ATRNL1: variants seen among roughly 807,000 people sequenced by gnomAD.
ATRNL1 encodes attractin-like protein 1.
In ATRNL1, 95 loss-of-function variants were observed where a neutral mutation model predicts 182.7. That is an observed-to-expected ratio of 0.52 (90% CI 0.44 to 0.62). ATRNL1 has a LOEUF of 0.62. Ranked by LOEUF, ATRNL1 falls within the 20% of genes least tolerant of loss-of-function variation. The pLI, the probability that ATRNL1 is intolerant of heterozygous loss-of-function variation, is 0.00. For synonymous variants in ATRNL1, 576 were observed against 568.3 expected (o/e 1.01, Z -0.19); for missense variants, 1,471 against 1,679.5 (o/e 0.88, Z 2.17).
chr10:115,500,015 A>G (rs1849741114), intron 24 of ATRNL1, among the ~76,000 whole-genome samples: 1 of 152,120 alleles, frequency 6.6e-6, no homozygotes, highest in Non-Finnish European at 1.5e-5. Context: ...AGTTATTAGG[A>G]AAGCTCATTT....
intron 26 of ATRNL1, among the ~76,000 whole-genome samples, chr10:115,663,334 T>A (rs1454278417): frequency 6.6e-6 from 1 of 152,070 alleles, no homozygotes; most frequent in Non-Finnish European, 1.5e-5. Context: ...ATATTATAAT[T>A]TCAGCCATTT....
At chr10:115,407,985 CTTTTTTTTTTTT>C (rs71010022) in intron 20 of ATRNL1, among the ~76,000 whole-genome samples, 6 of 97,806 alleles carry the variant, frequency 6.1e-5, no homozygotes, top group South Asian at 3.1e-4. Flanking sequence ...ATTTGCATTT[CTTTTTTTTTTTT>C]TTTTTTTTTT....
At chr10:115,594,929 T>C (rs1856141713) in intron 26 of ATRNL1, among the ~76,000 whole-genome samples, 1 of 152,228 alleles carries the variant, frequency 6.6e-6, no homozygotes. Flanking sequence ...TTCAAGTCTC[T>C]AGTCATAAGT....
intron 18 of ATRNL1, among the ~76,000 whole-genome samples, chr10:115,331,081 A>T (rs1554934931): frequency 1.3e-5 from 2 of 148,836 alleles, no homozygotes; most frequent in African/African-American, 5.0e-5. Flanking sequence ...TTTTTTTGAG[A>T]CGGAGTCTTG....
intron 5 of ATRNL1, among the ~76,000 whole-genome samples, chr10:115,131,825 A>G (rs1223341634): frequency 6.6e-6 from 1 of 152,194 alleles, no homozygotes; most frequent in Non-Finnish European, 1.5e-5. Context: ...CTGTATGCCT[A>G]ATGTATATTT....
intron 5 of ATRNL1, 138 bp downstream of exon 5, chr10:115,129,673 A>G (rs1592140018): frequency 1.6e-6 from 1 of 632,618 alleles, no homozygotes; most frequent in East Asian, 2.9e-5. Flanking sequence ...GAATGTTCAG[A>G]TTAATAATCA....
chr10:115,918,210 C>A (rs76627836), intron 28 of ATRNL1, among the ~76,000 whole-genome samples: 10,265 of 149,010 alleles, frequency 0.069, 978 homozygotes, highest in African/African-American at 0.22. Flanking sequence ...AAGAGGTTCT[C>A]TTGCCTCAGC....
chr10:115,852,446 G>A (rs1175858468), intron 28 of ATRNL1, among the ~76,000 whole-genome samples: 1 of 152,170 alleles, frequency 6.6e-6, no homozygotes, highest in Non-Finnish European at 1.5e-5. Flanking sequence ...TTAATGAAAA[G>A]AGGAAAGGGA....
At chr10:115,380,322 C>T (rs926788834) in intron 19 of ATRNL1, among the ~76,000 whole-genome samples, 31 of 152,134 alleles carry the variant, frequency 2.0e-4, no homozygotes, top group African/African-American at 6.3e-4. Context: ...TTTCATAATA[C>T]GGCAAGTACT....
chr10:115,304,977 T>TC (rs1853655397), intron 17 of ATRNL1, among the ~76,000 whole-genome samples: 1 of 152,014 alleles, frequency 6.6e-6, no homozygotes, highest in African/African-American at 2.4e-5. Flanking sequence ...ACTCCTTTTT[T>TC]CTCTATCTGC....
At chr10:115,674,322 A>T (rs782359405) in intron 26 of ATRNL1, among the ~76,000 whole-genome samples, 1 of 152,068 alleles carries the variant, frequency 6.6e-6, no homozygotes. Flanking sequence ...GATAGCCTAG[A>T]TCCTTAAGTC....
intron 27 of ATRNL1, among the ~76,000 whole-genome samples, chr10:115,841,548 T>G (rs1589589981): frequency 6.6e-6 from 1 of 152,104 alleles, no homozygotes; most frequent in Non-Finnish European, 1.5e-5. Context: ...TCTGTGAAGA[T>G]TATGTTTTAT....
intron 20 of ATRNL1, among the ~76,000 whole-genome samples, chr10:115,424,520 T>G (rs782104855): frequency 6.6e-5 from 10 of 152,178 alleles, no homozygotes; most frequent in Non-Finnish European, 1.2e-4. Context: ...AGCCAAGATA[T>G]GGAATCAATC....
chr10:115,315,534 A>G lies in ATRNL1; in HGVS notation c.2835A>G (p.Gly945=). ...GTCACGCAGCTCAAAATTGTTCTGG[A>G]TTGAGAACCTGTGGACAGTGTTTGG... is the stretch of plus-strand genomic sequence containing the variant. ...TATCSPQNCS[G]LRTCGQCLEQ... Residue 945 remains glycine (G), a synonymous_variant, in exon 18 of 29, where the codon GGA becomes GGG. Coordinates refer to ENST00000355044, the MANE Select transcript of ATRNL1 (RefSeq NM_207303.4). 1 of 1,611,726 alleles carries G rather than the reference A, an allele frequency of 6.2e-7. No individual in the cohort carries two copies.
At chr10:115,433,969 T>A (rs1554964424) in intron 21 of ATRNL1, among the ~76,000 whole-genome samples, 1 of 152,106 alleles carries the variant, frequency 6.6e-6, no homozygotes, top group African/African-American at 2.4e-5. Flanking sequence ...GAGTGGAAGA[T>A]TGAGAGCTGA....
At chr10:115,331,780 G>T (rs1382901444) in intron 18 of ATRNL1, among the ~76,000 whole-genome samples, 1 of 152,070 alleles carries the variant, frequency 6.6e-6, no homozygotes, top group Non-Finnish European at 1.5e-5. Context: ...GTGCTAGAAG[G>T]TGCTCTGAGC....
At chr10:115,858,744 T>A (rs1357013213) in intron 28 of ATRNL1, among the ~76,000 whole-genome samples, 5 of 152,168 alleles carry the variant, frequency 3.3e-5, no homozygotes, top group Admixed American at 6.5e-5. Flanking sequence ...CATTTTTTTT[T>A]ATGATAGCTG....
intron 25 of ATRNL1, among the ~76,000 whole-genome samples, chr10:115,545,566 C>T (rs1193721349): frequency 3.3e-5 from 5 of 152,038 alleles, no homozygotes; most frequent in East Asian, 3.9e-4. Flanking sequence ...ATTACAAAAA[C>T]GATAATCAGT....
intron 28 of ATRNL1, among the ~76,000 whole-genome samples, chr10:115,850,780 C>A (rs527511840): frequency 3.9e-5 from 6 of 152,164 alleles, no homozygotes; most frequent in Non-Finnish European, 8.8e-5. Flanking sequence ...AGTTCAAATT[C>A]ATTTACCCTT....
Sources: allele counts gnomAD v4.1 joint callset (sites outside exome capture counted in the v4.1 genomes callset), GRCh38; gene constraint gnomAD v4.1.1; transcripts MANE v1.5; gene names NCBI Gene and HGNC (gene_info 2026-07-23, HGNC 2026-07-21).